CIITA: variants seen among roughly 807,000 people sequenced by gnomAD.
CIITA encodes class II major histocompatibility complex transactivator.
In CIITA, 72 loss-of-function variants were observed where a neutral mutation model predicts 115.1. That is an observed-to-expected ratio of 0.63 (90% CI 0.52 to 0.76). The LOEUF is 0.76. Ranked by LOEUF, CIITA falls within the 30% of genes least tolerant of loss-of-function variation. CIITA has a pLI of 0.00. For missense variants in CIITA, 1,617 were observed against 1,463.8 expected (o/e 1.10, Z -1.71); for synonymous variants, 763 against 635.6 (o/e 1.20, Z -3.02).
rs1175375174 is a variant in CIITA at position 10,908,007 on chromosome 16, C to T, written c.2515C>T (p.Arg839Cys). ...CGGCCGCCTCTCTTTTCTGGGCACC[C>T]GCCTCACGCCTCCTGATGCACATGT... ...LPGRLSFLGT[R>C]LTPPDAHVLG... Residue 839 changes from arginine (R) to cysteine (C), a missense_variant, in exon 11 of 20, where the codon CGC becomes TGC. By Grantham distance (180) the Arg-to-Cys change is radical (BLOSUM62 -3). Transcript: ENST00000324288. 4.4e-6 allele frequency: 7 copies of T among 1,598,720 alleles called. No individual in the cohort carries two copies. Among genetic ancestry groups the T allele is most frequent in the Admixed American group, 1.7e-5 (1 of 58,822 alleles).
chr16:10,869,698 A>G (rs1290892395), intron 1 of CIITA, among the ~76,000 whole-genome samples: 2 of 152,024 alleles, frequency 1.3e-5, no homozygotes, highest in Non-Finnish European at 2.9e-5. Context: ...TTGTATTTTT[A>G]GAGACAGGGT....
rs2040924858 is a variant in CIITA at position 10,934,226 on chromosome 16, G to T, written c.*10371G>T. ...TCCTGCCACATCCAAGAACCACCTG[G>T]ACTATTATTTACTTAGTATTTTAAA... On this transcript the variant is annotated 3_prime_UTR_variant, in exon 20 of 20. Coordinates refer to ENST00000324288, the MANE Select transcript of CIITA (RefSeq NM_000246.4). The surrounding 1 kb of genome is among the most constrained non-coding windows in gnomAD (Gnocchi z 4.2). The T allele has an allele frequency of 6.6e-6, 1 of 152,124 alleles. No individual in the cohort carries two copies. Among genetic ancestry groups the T allele is most frequent in the Admixed American group, 6.5e-5 (1 of 15,274 alleles). 9.4% of individuals were successfully genotyped at this position (152,124 alleles called of 1,614,324 possible).
chr16:10,910,400 C>T, intron 13 of CIITA, 141 bp downstream of exon 13: 1 of 792,296 alleles, frequency 1.3e-6, no homozygotes, highest in South Asian at 1.5e-5. Context: ...TAGCTTCCAG[C>T]AGCTGGAAAG....
At position 10,926,958 on chromosome 16, in the gene CIITA, TAA is replaced by T. The variant is rs1567456916; in HGVS notation, c.*3104_*3105del. ...GTGCTAAACTCCTACTCAAGAGGGATAAGAGTCTAGGGGCAAGTGGCAGAGAC... is the reference window on the plus strand; with the variant it reads ...GTGCTAAACTCCTACTCAAGAGGGATGAGTCTAGGGGCAAGTGGCAGAGAC... On this transcript the variant is annotated 3_prime_UTR_variant, in exon 20 of 20. Transcript: ENST00000324288. The T allele has an allele frequency of 6.6e-6, 1 of 151,988 alleles. No homozygotes were observed. The highest frequency in any genetic ancestry group is 1.5e-5 in the Non-Finnish European group (1 of 68,054). 9.4% of individuals were successfully genotyped at this position (151,988 alleles called of 1,614,324 possible).
Position 10,935,383 on chromosome 16 carries a change from A to C in CIITA, c.*11528A>C, listed in dbSNP as rs549511800. On this transcript the variant is annotated 3_prime_UTR_variant, in exon 20 of 20. Coordinates refer to ENST00000324288, the MANE Select transcript of CIITA (RefSeq NM_000246.4). ...CGACAGTTGTTAATCTCTTTTTAAC[A>C]AAGAATACAGGCCAAGGCCCTGTGA... 5 of 152,378 alleles carry C rather than the reference A, an allele frequency of 3.3e-5. No individual in the cohort carries two copies. The South Asian group carries it at 6.2e-4, about 19-fold the overall frequency. The allele number at this position is 152,378 out of a possible 1,614,324, so 9.4% of individuals were successfully genotyped here. A position where few individuals can be genotyped will look rare whatever the true frequency, so the allele number is the denominator to read the frequency against.
chr16:10,888,808 C>T (rs565978113), intron 1 of CIITA: 9 of 152,378 alleles, frequency 5.9e-5, no homozygotes, highest in African/African-American at 1.9e-4. Context: ...CCACCCACGC[C>T]TTCCCTCGCC....
At position 10,925,508 on chromosome 16, in the gene CIITA, C is replaced by T. The variant is rs1307875223; in HGVS notation, c.*1653C>T. On this transcript the variant is annotated 3_prime_UTR_variant, in exon 20 of 20. Coordinates refer to ENST00000324288, the MANE Select transcript of CIITA (RefSeq NM_000246.4). ...TTATTTTTGTAGAGCCAGGGTCTCA[C>T]TATGTTGCCCAGGCAGGTCTTGAAC... is the stretch of plus-strand genomic sequence containing the variant. The T allele has an allele frequency of 6.6e-6, 1 of 152,260 alleles. No individual in the cohort carries two copies. Among genetic ancestry groups the T allele is most frequent in the Non-Finnish European group, 1.5e-5 (1 of 68,090 alleles). 9.4% of individuals were successfully genotyped at this position (152,260 alleles called of 1,614,324 possible). A position where few individuals can be genotyped will look rare whatever the true frequency, so the allele number is the denominator to read the frequency against.
chr16:10,921,958 C>T (rs1405405478), intron 16 of CIITA, among the ~76,000 whole-genome samples: 1 of 152,240 alleles, frequency 6.6e-6, no homozygotes, highest in East Asian at 1.9e-4. Flanking sequence ...CATTCCTAGC[C>T]TCTATTTTCA....
chr16:10,919,480 C>T (rs1261377605), intron 16 of CIITA, among the ~76,000 whole-genome samples: 3 of 151,732 alleles, frequency 2.0e-5, no homozygotes, highest in Non-Finnish European at 2.9e-5. Context: ...GGATTACAGG[C>T]GTGAGCCACC....
At position 10,925,550 on chromosome 16, in the gene CIITA, T is replaced by G. The variant is rs1157749832; in HGVS notation, c.*1695T>G. On this transcript the variant is annotated 3_prime_UTR_variant, in exon 20 of 20. Transcript: ENST00000324288. ...GTCTTGAACTCCTGGCCTCAAGTGA[T>G]TCTCCTGCCTCAGCCTCCCAAAGTG... 2.0e-5 allele frequency: 3 copies of G among 152,340 alleles called. No individual in the cohort carries two copies. Among genetic ancestry groups the G allele is most frequent in the African/African-American group, 7.2e-5 (3 of 41,454 alleles). 9.4% of individuals were successfully genotyped at this position (152,340 alleles called of 1,614,324 possible).
chr16:10,902,281 C>A, intron 7 of CIITA, 97 bp downstream of exon 7: 1 of 1,516,232 alleles, frequency 6.6e-7, no homozygotes, highest in Non-Finnish European at 9.0e-7. Flanking sequence ...CTGGACCTCA[C>A]CTCTCCCCAA....
At chr16:10,900,336 T>C (rs544839248) in intron 5 of CIITA, among the ~76,000 whole-genome samples, 7 of 152,344 alleles carry the variant, frequency 4.6e-5, no homozygotes, top group African/African-American at 9.6e-5. Flanking sequence ...TTCCATATTA[T>C]TGAGGGAGAG....
rs117994105 is a variant in CIITA at position 10,935,628 on chromosome 16, C to T, written c.*11773C>T. The T allele has an allele frequency of 2.0e-5, 3 of 152,350 alleles. No homozygotes were observed. The highest frequency in any genetic ancestry group is 4.4e-5 in the Non-Finnish European group (3 of 68,032). 9.4% of individuals were successfully genotyped at this position (152,350 alleles called of 1,614,324 possible). A position where few individuals can be genotyped will look rare whatever the true frequency, so the allele number is the denominator to read the frequency against. On this transcript the variant is annotated 3_prime_UTR_variant, in exon 20 of 20. Transcript: ENST00000324288. ...AATAGTAACTTGACAGTGGAGAGAC[C>T]TGGCAGACACCACCTTCACCAACTG...
At position 10,935,609 on chromosome 16, in the gene CIITA, A is replaced by G. The variant is rs1438549331; in HGVS notation, c.*11754A>G. 1 of 152,268 alleles carries G rather than the reference A, an allele frequency of 6.6e-6. No individual in the cohort carries two copies. The highest frequency in any genetic ancestry group is 1.5e-5 in the Non-Finnish European group (1 of 68,048). The allele number at this position is 152,268 out of a possible 1,614,324, so 9.4% of individuals were successfully genotyped here. A position where few individuals can be genotyped will look rare whatever the true frequency, so the allele number is the denominator to read the frequency against. The stretch of plus-strand genomic sequence containing the variant: ...TGCAAATTATAAAGGGAATAATAGT[A>G]ACTTGACAGTGGAGAGACCTGGCAG... On this transcript the variant is annotated 3_prime_UTR_variant, in exon 20 of 20. Transcript: ENST00000324288.
In CIITA at chr16:10,907,322, C is replaced by T. The variant is rs1303171352; in HGVS notation, c.1830C>T (p.Ser610=). The T allele has an allele frequency of 6.2e-7, 1 of 1,613,484 alleles. No individual in the cohort carries two copies. Among genetic ancestry groups the T allele is most frequent in the African/African-American group, 1.3e-5 (1 of 74,922 alleles). ...DRPLLLSHSH[S]PTLCRAVCQL... is the part of the protein sequence containing the mutation. ...CACTTCTTCTCAGTCACAGCCACAG[C>T]CCTACTTTGTGCCGGGCAGTGTGCC... Residue 610 remains serine, a synonymous_variant, in exon 11 of 20, where the codon AGC becomes AGT. Transcript: ENST00000324288. The surrounding 1 kb of genome is among the most constrained non-coding windows in gnomAD (Gnocchi z 5.0).
At chr16:10,897,415 A>C (rs1192385382) in intron 3 of CIITA, among the ~76,000 whole-genome samples, 1 of 152,206 alleles carries the variant, frequency 6.6e-6, no homozygotes, top group Non-Finnish European at 1.5e-5. Context: ...CCCATTCATC[A>C]AGGAAAAGCC....
chr16:10,903,850 C>T lies in CIITA; in HGVS notation c.892C>T (p.Pro298Ser). Residue 298 changes from proline to serine, a missense_variant, in exon 9 of 20, where the codon CCC becomes TCC. Coordinates refer to ENST00000324288, the MANE Select transcript of CIITA (RefSeq NM_000246.4). ...CTTCGCTCCATCAGCCACTGACCTG[C>T]CCAGCATGCCTGAACCTGCCCTGAC... ...SPFAPSATDL[P>S]SMPEPALTSR... The T allele has an allele frequency of 6.2e-7, 1 of 1,614,196 alleles. No homozygotes were observed.
Position 10,906,715 on chromosome 16 carries a change from G to T in CIITA, c.1223G>T (p.Arg408Leu). The T allele has an allele frequency of 6.2e-7, 1 of 1,611,712 alleles. No homozygotes were observed. Among genetic ancestry groups the T allele is most frequent in the South Asian group, 1.1e-5 (1 of 91,052 alleles). The stretch of plus-strand genomic sequence containing the variant: ...GTGCTGTTGGCTGCCAAGGAGCACC[G>T]GCGGCCGCGTGAGACACGAGTGATT... ...AEVLLAAKEH[R>L]RPRETRVIAV... The change falls in exon 11 of 20, where the codon CGG becomes CTG. Residue 408 changes from arginine (R) to leucine (L), a missense_variant. Coordinates refer to ENST00000324288, the MANE Select transcript of CIITA (RefSeq NM_000246.4).
rs1019410807 is a variant in CIITA at position 10,929,706 on chromosome 16, C to G, written c.*5851C>G. 1 of 245,446 alleles carries G rather than the reference C, an allele frequency of 4.1e-6. No homozygotes were observed. Among genetic ancestry groups the G allele is most frequent in the East Asian group, 1.8e-4 (1 of 5,536 alleles). The allele number at this position is 245,446 out of a possible 1,614,324, so 15.2% of individuals were successfully genotyped here. ...TCCATCCCTCAAATTTAGGGAACCA[C>G]TGGGAGCCCCAGACTCAGGCTGAAA... is the stretch of plus-strand genomic sequence containing the variant. On this transcript the variant is annotated 3_prime_UTR_variant, in exon 20 of 20. Coordinates refer to ENST00000324288, the MANE Select transcript of CIITA (RefSeq NM_000246.4). The surrounding 1 kb of genome is among the most constrained non-coding windows in gnomAD (Gnocchi z 4.3).
Sources: allele counts gnomAD v4.1 joint callset (sites outside exome capture counted in the v4.1 genomes callset), GRCh38; gene constraint gnomAD v4.1.1; non-coding constraint Gnocchi (gnomAD v3.1); transcripts MANE v1.5; gene names NCBI Gene and HGNC (gene_info 2026-07-23, HGNC 2026-07-21).